Variants in GRAMD2B observed in about 807,000 individuals in gnomAD.
The protein encoded by GRAMD2B is GRAM domain-containing protein 2B.
GRAMD2B carries 41 observed loss-of-function variants against 59.2 expected under a neutral mutation model. The ratio of observed to expected loss-of-function variants is 0.69; its 90% CI spans 0.54 to 0.90. GRAMD2B has a LOEUF of 0.90. Among genes scored for constraint, GRAMD2B ranks in the 40% least tolerant of loss-of-function variants. The pLI is 0.00. For synonymous variants in GRAMD2B, 161 were observed against 182.7 expected (o/e 0.88, Z 0.96); for missense variants, 424 against 500.5 (o/e 0.85, Z 1.46).
chr5:126,481,413 T>C (rs1160802122), intron 8 of GRAMD2B, among the ~76,000 whole-genome samples: 1 of 152,162 alleles, frequency 6.6e-6, no homozygotes, highest in Non-Finnish European at 1.5e-5. Flanking sequence ...GTTCCAACCA[T>C]ACCATTCAAA....
chr5:126,379,736 C>A (rs1012476750), intron 1 of GRAMD2B, among the ~76,000 whole-genome samples: 1 of 151,990 alleles, frequency 6.6e-6, no homozygotes, highest in African/African-American at 2.4e-5. Context: ...TGTCCTTAGC[C>A]CACTTTTTGA....
intron 8 of GRAMD2B, among the ~76,000 whole-genome samples, chr5:126,481,928 G>A (rs1010411259): frequency 3.4e-5 from 5 of 149,078 alleles, no homozygotes; most frequent in Non-Finnish European, 4.4e-5. Context: ...AGATCACGCC[G>A]CTGTACTCCA....
intron 1 of GRAMD2B, among the ~76,000 whole-genome samples, chr5:126,384,957 C>T (rs1361304897): frequency 6.6e-6 from 1 of 152,204 alleles, no homozygotes; most frequent in African/African-American, 2.4e-5. Context: ...ACTGTGCTGC[C>T]TTTTGTTTCT....
At chr5:126,424,696 A>G (rs4836256) in intron 1 of GRAMD2B, among the ~76,000 whole-genome samples, 122,493 of 152,200 alleles carry the variant, frequency 0.8, 49,450 homozygotes, top group East Asian at 0.98. Context: ...ACCCATGTAG[A>G]CCTCATCACC....
exon 1 of GRAMD2B, chr5:126,360,433 G>A (rs1754164998): frequency 6.4e-7 from 1 of 1,551,252 alleles, no homozygotes; most frequent in Non-Finnish European, 8.7e-7. Flanking sequence ...GGAGAGAAGT[G>A]AAGCCAGTGG....
chr5:126,466,511 C>A (rs752129770), intron 2 of GRAMD2B, among the ~76,000 whole-genome samples: 6 of 151,992 alleles, frequency 3.9e-5, no homozygotes, highest in Non-Finnish European at 8.8e-5. Context: ...CAGCAACCTC[C>A]GCCTCCCAGG....
At chr5:126,473,119 C>G in intron 4 of GRAMD2B, 146 bp from the exon 5 acceptor site, 1 of 398,596 alleles carries the variant, frequency 2.5e-6, no homozygotes. Context: ...AGCTTTCTTT[C>G]CATAAAGATG....
chr5:126,475,996 T>C (rs1056464483), intron 5 of GRAMD2B, among the ~76,000 whole-genome samples: 2 of 152,116 alleles, frequency 1.3e-5, no homozygotes, highest in African/African-American at 2.4e-5. Flanking sequence ...TAATCCCAGC[T>C]ACTAGGGAGG....
At chr5:126,459,849 C>T (rs62394666) in intron 1 of GRAMD2B, among the ~76,000 whole-genome samples, 5,594 of 152,284 alleles carry the variant, frequency 0.037, 119 homozygotes, top group Non-Finnish European at 0.043. Flanking sequence ...GTATGCATCA[C>T]AAAATGTCTA....
At chr5:126,407,839 G>A (rs991003450) in intron 1 of GRAMD2B, among the ~76,000 whole-genome samples, 4 of 151,974 alleles carry the variant, frequency 2.6e-5, no homozygotes, top group African/African-American at 4.8e-5. Flanking sequence ...TATGAATTGC[G>A]TGCTATGTGC....
intron 8 of GRAMD2B, among the ~76,000 whole-genome samples, chr5:126,481,938 A>C (rs1771936142): frequency 6.7e-6 from 1 of 150,062 alleles, no homozygotes; most frequent in South Asian, 2.1e-4. Flanking sequence ...GCTGTACTCC[A>C]GCCTGGGAGA....
upstream of GRAMD2B, among the ~76,000 whole-genome samples, chr5:126,420,742 C>T (rs897533877): frequency 3.3e-5 from 5 of 152,046 alleles, no homozygotes; most frequent in African/African-American, 4.8e-5. Context: ...GGTATATATC[C>T]AAAAGAAATG....
intron 1 of GRAMD2B, among the ~76,000 whole-genome samples, chr5:126,455,819 A>G (rs193213744): frequency 2.0e-5 from 3 of 152,224 alleles, no homozygotes; most frequent in African/African-American, 7.2e-5. Context: ...CAAGGGTGTC[A>G]TGCTTATTTC....
chr5:126,420,117 A>G (rs963901266), upstream of GRAMD2B, among the ~76,000 whole-genome samples: 1 of 152,058 alleles, frequency 6.6e-6, no homozygotes, highest in African/African-American at 2.4e-5. Context: ...TTTAAAAACA[A>G]GAATTTGGAT....
Position 126,486,930 on chromosome 5 carries a change from G to A in GRAMD2B, c.1116G>A (p.Glu372=). ...TGAGATACAGAATTAATACTCTGGA[G>A]GAGCAGCTGGGGTTACTAACCTCCA... ...FYMRYRINTL[E]EQLGLLTSIV... is the part of the protein sequence containing the mutation. The change falls in exon 12 of 14, where the codon GAG becomes GAA. Residue 372 remains glutamate, a synonymous_variant. Coordinates refer to ENST00000285689, the MANE Select transcript of GRAMD2B (RefSeq NM_023927.4). 6.2e-7 allele frequency: 1 copy of A among 1,612,202 alleles called. No individual in the cohort carries two copies. The highest frequency in any genetic ancestry group is 8.5e-7 in the Non-Finnish European group (1 of 1,178,630).
intron 12 of GRAMD2B, 104 bp downstream of exon 12, chr5:126,487,081 T>G: frequency 1.5e-6 from 1 of 675,040 alleles, no homozygotes; most frequent in South Asian, 1.8e-5. Context: ...GGAGATACAT[T>G]CTGTATGTGA....
At chr5:126,450,496 G>C (rs1765140074) in intron 1 of GRAMD2B, among the ~76,000 whole-genome samples, 1 of 151,968 alleles carries the variant, frequency 6.6e-6, no homozygotes, top group Non-Finnish European at 1.5e-5. Flanking sequence ...TTAACGTAAT[G>C]AAACATTCTG....
At chr5:126,384,506 G>C (rs1170355491) in intron 1 of GRAMD2B, among the ~76,000 whole-genome samples, 1 of 152,218 alleles carries the variant, frequency 6.6e-6, no homozygotes, top group African/African-American at 2.4e-5. Context: ...AGCCCCATAA[G>C]GGCAGGGTAA....
intron 1 of GRAMD2B, among the ~76,000 whole-genome samples, chr5:126,451,699 G>A (rs62391859): frequency 0.036 from 5,473 of 152,164 alleles, 112 homozygotes; most frequent in Middle Eastern, 0.048. Context: ...GGGGGCCAGC[G>A]GCAGAATGAT....
Sources: gnomAD v4.1 joint callset for allele counts (sites outside exome capture counted in the v4.1 genomes callset) on GRCh38, gnomAD v4.1.1 for gene constraint, MANE v1.5 for transcripts, NCBI Gene and HGNC (gene_info 2026-07-23, HGNC 2026-07-21) for gene names.